ATP10B: variants seen among roughly 807,000 people sequenced by gnomAD.
ATP10B encodes the protein ATPase phospholipid transporting 10B (putative).
In ATP10B, 122 loss-of-function variants were observed where a neutral mutation model predicts 141.2. The ratio of observed to expected loss-of-function variants is 0.86; its 90% CI spans 0.75 to 1.00. ATP10B has a LOEUF of 1.00. ATP10B is among the 50% of genes least tolerant of loss of function. The probability of loss-of-function intolerance (pLI) is 0.00; values close to 1 mark genes in which losing one functional copy is unlikely to be tolerated. For synonymous variants in ATP10B, 685 were observed against 692.0 expected (o/e 0.99, Z 0.16); for missense variants, 1,876 against 1,825.3 (o/e 1.03, Z -0.51).
chr5:160,716,467 A>T (rs551002236), intron 3 of ATP10B, among the ~76,000 whole-genome samples: 1 of 152,324 alleles, frequency 6.6e-6, no homozygotes, highest in Admixed American at 6.5e-5. Context: ...TGTCGGTGGC[A>T]GAGTTGGGCT....
chr5:160,882,544 A>C, the ATP10B span, among the ~76,000 whole-genome samples: 1 of 152,084 alleles, frequency 6.6e-6, no homozygotes, highest in African/African-American at 2.4e-5. Context: ...AGCCTCCCAA[A>C]TTGCTGAGAT....
At chr5:160,838,489 T>G (rs1007294214) in intron 1 of ATP10B, among the ~76,000 whole-genome samples, 2 of 152,174 alleles carry the variant, frequency 1.3e-5, no homozygotes, top group African/African-American at 4.8e-5. Flanking sequence ...AGCCACACCT[T>G]TAAGTTTTAG....
At chr5:160,789,503 A>G (rs1449590074) in intron 1 of ATP10B, among the ~76,000 whole-genome samples, 1 of 152,202 alleles carries the variant, frequency 6.6e-6, no homozygotes, top group Non-Finnish European at 1.5e-5. Flanking sequence ...AAAAGTTACA[A>G]TAAAAACATA....
intron 18 of ATP10B, chr5:160,612,510 C>G (rs1757771194): frequency 2.8e-6 from 1 of 362,372 alleles, no homozygotes; most frequent in Non-Finnish European, 5.0e-6. Context: ...TTCTAACAAG[C>G]AGTGCCAGAA....
At chr5:160,784,685 C>T (rs1771003732) in intron 2 of ATP10B, among the ~76,000 whole-genome samples, 1 of 151,882 alleles carries the variant, frequency 6.6e-6, no homozygotes, top group Non-Finnish European at 1.5e-5. Flanking sequence ...TTCATTTTAC[C>T]CATGACTAGA....
chr5:160,863,709 T>C, the ATP10B span, among the ~76,000 whole-genome samples: 5 of 151,952 alleles, frequency 3.3e-5, no homozygotes, highest in Admixed American at 3.3e-4. Context: ...ATTAGCAGTA[T>C]TAACCAAGAA....
At chr5:160,615,449 T>C (rs1342397069) in intron 17 of ATP10B, among the ~76,000 whole-genome samples, 1 of 151,086 alleles carries the variant, frequency 6.6e-6, no homozygotes, top group East Asian at 1.9e-4. Context: ...GATCATCTAG[T>C]ATCCTCACTA....
intron 2 of ATP10B, among the ~76,000 whole-genome samples, chr5:160,774,306 C>T (rs1172275802): frequency 6.6e-6 from 1 of 152,242 alleles, no homozygotes; most frequent in East Asian, 1.9e-4. Context: ...CAGGCGTTAT[C>T]ACATTTCCCC....
intron 2 of ATP10B, among the ~76,000 whole-genome samples, chr5:160,751,691 T>A (rs946304390): frequency 6.6e-6 from 1 of 152,120 alleles, no homozygotes; most frequent in Non-Finnish European, 1.5e-5. Flanking sequence ...CATTTCCTTG[T>A]CCACTCTGGA....
chr5:160,607,011 T>C lies in ATP10B; in HGVS notation c.2914A>G (p.Lys972Glu). The C allele has an allele frequency of 1.2e-6, 2 of 1,614,156 alleles. No individual in the cohort carries two copies. Among genetic ancestry groups the C allele is most frequent in the Admixed American group, 1.7e-5 (1 of 60,008 alleles). The change falls in exon 19 of 26, where the codon AAG (lysine) becomes GAG (glutamate). Residue 972 changes from lysine to glutamate, a missense_variant. Physicochemically the swap from Lys to Glu is moderately conservative, Grantham distance 56. Coordinates refer to ENST00000327245, the MANE Select transcript of ATP10B (RefSeq NM_025153.3). ...QFRELQKPDR[K>E]LFGFRLPSKT... ...GAAGGTAAGCGGAATCCAAAGAGCT[T>C]GCGGTCTGGCTTCTGTAGTTCACGA...
intron 6 of ATP10B, among the ~76,000 whole-genome samples, chr5:160,671,954 T>C (rs1020559197): frequency 1.4e-4 from 19 of 137,680 alleles, no homozygotes; most frequent in Non-Finnish European, 2.8e-4. Flanking sequence ...TCCCCACTTC[T>C]CAAGGCAATG....
chr5:160,568,013 A>G (rs1464621949), intron 25 of ATP10B, among the ~76,000 whole-genome samples: 1 of 152,194 alleles, frequency 6.6e-6, no homozygotes, highest in Non-Finnish European at 1.5e-5. Context: ...ATGAGTTAGC[A>G]GGTGATGTCA....
chr5:160,652,287 G>A (rs1760795645), intron 7 of ATP10B, among the ~76,000 whole-genome samples: 1 of 151,968 alleles, frequency 6.6e-6, no homozygotes. Context: ...GCTGTGGAGA[G>A]GGGCATATGG....
At chr5:160,794,825 A>G (rs957382984) in intron 1 of ATP10B, among the ~76,000 whole-genome samples, 4 of 152,030 alleles carry the variant, frequency 2.6e-5, no homozygotes, top group Admixed American at 2.0e-4. Context: ...TTGCCAATAT[A>G]CTCTCTCATA....
chr5:160,823,726 T>C (rs994556000), intron 1 of ATP10B, among the ~76,000 whole-genome samples: 1 of 151,874 alleles, frequency 6.6e-6, no homozygotes, highest in African/African-American at 2.4e-5. Context: ...CCCAGCTACT[T>C]GGGAGGCTGA....
the ATP10B span, among the ~76,000 whole-genome samples, chr5:160,907,141 G>A: frequency 6.6e-6 from 1 of 152,120 alleles, no homozygotes; most frequent in Non-Finnish European, 1.5e-5. Context: ...TGTAATTCCT[G>A]CCATGGAGCC....
intron 2 of ATP10B, among the ~76,000 whole-genome samples, chr5:160,747,804 A>G (rs374174012): frequency 6.6e-6 from 1 of 152,226 alleles, no homozygotes; most frequent in East Asian, 1.9e-4. Flanking sequence ...GCGCTGTCAT[A>G]GCTGTCTTTC....
rs138442709 is a variant in ATP10B at position 160,846,159 on chromosome 5, G to T, written c.-576+5782C>A. On this transcript the variant is annotated intron_variant, in intron 1 of 25. Coordinates refer to ENST00000327245, the MANE Select transcript of ATP10B (RefSeq NM_025153.3). ...TCAGTCCACAAACTGTTTACTATTG[G>T]GTTGTAGCAAGTTAAGTACAGGCAT... Among the ~76,000 whole-genome samples, 329 of 151,798 alleles carry T rather than the reference G, an allele frequency of 2.2e-3. 3 individuals are homozygous for T. Among genetic ancestry groups the T allele is most frequent in the African/African-American group, 7.5e-3 (309 of 41,176 alleles).
Position 160,740,746 on chromosome 5 carries a change from A to G in ATP10B, c.-330-23712T>C, listed in dbSNP as rs1307090465. Among the ~76,000 whole-genome samples, 3 of 152,250 alleles carry G rather than the reference A, an allele frequency of 2.0e-5. No homozygotes were observed. The East Asian group carries it at 5.8e-4, about 29-fold the overall frequency. ...TTCCTCAGGTTTCTTCAGCGATTGC[A>G]AAGTACAAGAAGCCCTGAAATATCA... On this transcript the variant is annotated intron_variant, in intron 2 of 25. Transcript: ENST00000327245.
Sources: gnomAD v4.1 joint callset for allele counts (sites outside exome capture counted in the v4.1 genomes callset) on GRCh38, gnomAD v4.1.1 for gene constraint, MANE v1.5 for transcripts, NCBI Gene and HGNC (gene_info 2026-07-23, HGNC 2026-07-21) for gene names.